The following CALN1 variants were observed in gnomAD, a reference collection of about 807,000 sequenced individuals.
The protein encoded by CALN1 is calneuron 1, also known as calcium-binding protein 8.
Under a neutral mutation model 30.6 loss-of-function variants are expected in CALN1, and 17 were observed. The ratio of observed to expected loss-of-function variants is 0.56; its 90% confidence interval spans 0.38 to 0.83. The LOEUF (loss-of-function observed/expected upper bound fraction) is 0.83. Ranked by LOEUF, CALN1 falls within the 40% of genes least tolerant of loss-of-function variation. The pLI, the probability that CALN1 is intolerant of heterozygous loss-of-function variation, is 0.00. For synonymous variants in CALN1, 156 were observed against 131.4 expected (o/e 1.19, Z -1.28); for missense variants, 291 against 354.9 (o/e 0.82, Z 1.45).
At chr7:72,041,693 T>C (rs1204372069) in intron 4 of CALN1, among the ~76,000 whole-genome samples, 1 of 152,130 alleles carries the variant, frequency 6.6e-6, no homozygotes, top group African/African-American at 2.4e-5. Context: ...GCAAATCTCA[T>C]CTTGAATTGT....
Position 71,869,755 on chromosome 7 carries a change from A to G in CALN1, c.502-59263T>C, listed in dbSNP as rs574876975. On this transcript the variant is annotated intron_variant, in intron 5 of 6. Coordinates refer to ENST00000395275, the MANE Select transcript of CALN1 (RefSeq NM_031468.4). Reference sequence around the variant, plus strand: ...CATGAAGTAGTACATTTTACACTCTACTCTCTGGGGTGATCGGGTTGTTTG... The same window carrying G: ...CATGAAGTAGTACATTTTACACTCTGCTCTCTGGGGTGATCGGGTTGTTTG... Among the ~76,000 whole-genome samples the G allele has an allele frequency of 9.5e-4, 145 of 152,150 alleles. 1 individual carries two copies. The highest frequency in any genetic ancestry group is 3.4e-3 in the Middle Eastern group (1 of 294).
At chr7:72,199,005 T>G (rs552789773) in intron 3 of CALN1, among the ~76,000 whole-genome samples, 1 of 152,334 alleles carries the variant, frequency 6.6e-6, no homozygotes, top group African/African-American at 2.4e-5. Context: ...CTGGGCGCAG[T>G]GGCTCATGCC....
chr7:72,112,960 G>C (rs1246231758), intron 3 of CALN1, among the ~76,000 whole-genome samples: 1 of 152,330 alleles, frequency 6.6e-6, no homozygotes, highest in East Asian at 1.9e-4. Context: ...ATCAAGAGAA[G>C]GGTAAACAGG....
intron 3 of CALN1, among the ~76,000 whole-genome samples, chr7:72,230,911 G>C (rs529325910): frequency 1.3e-5 from 2 of 152,250 alleles, no homozygotes; most frequent in African/African-American, 2.4e-5. Context: ...AAAAATATCA[G>C]ATGGAAAATT....
At chr7:72,493,865 G>T in the CALN1 span, among the ~76,000 whole-genome samples, 1 of 152,152 alleles carries the variant, frequency 6.6e-6, no homozygotes. Context: ...AATATTTAGT[G>T]TGCTTTGTGG....
At chr7:71,794,929 T>C (rs1786801234) in intron 6 of CALN1, among the ~76,000 whole-genome samples, 2 of 152,234 alleles carry the variant, frequency 1.3e-5, no homozygotes, top group Non-Finnish European at 2.9e-5. Context: ...CTGGCTCTGT[T>C]CCAGCCTTGG....
At chr7:71,959,746 C>G (rs1735791256) in intron 5 of CALN1, among the ~76,000 whole-genome samples, 1 of 152,154 alleles carries the variant, frequency 6.6e-6, no homozygotes, top group Non-Finnish European at 1.5e-5. Context: ...CTCCATGGTG[C>G]TCATAGGACT....
intron 2 of CALN1, among the ~76,000 whole-genome samples, chr7:72,340,331 C>T (rs1036732250): frequency 6.6e-6 from 1 of 151,812 alleles, no homozygotes; most frequent in Non-Finnish European, 1.5e-5. Flanking sequence ...CCCCCACCTT[C>T]CAAAGTATTG....
At chr7:71,811,931 G>A (rs1488252922) in intron 5 of CALN1, among the ~76,000 whole-genome samples, 3 of 151,692 alleles carry the variant, frequency 2.0e-5, no homozygotes, top group Admixed American at 6.6e-5. Context: ...CACCCGCCTC[G>A]GCCTCCCAAA....
chr7:72,320,351 A>C, intron 2 of CALN1, among the ~76,000 whole-genome samples: 1 of 152,140 alleles, frequency 6.6e-6, no homozygotes, highest in African/African-American at 2.4e-5. Flanking sequence ...GTCGAGCCTG[A>C]AGTGCGGGAG....
chr7:71,920,688 T>C (rs1011720841), intron 5 of CALN1, among the ~76,000 whole-genome samples: 1 of 152,180 alleles, frequency 6.6e-6, no homozygotes. Flanking sequence ...GGGCATAATA[T>C]GTACTTTCTC....
chr7:72,059,158 TAAC>T (rs1400288604), intron 4 of CALN1, among the ~76,000 whole-genome samples: 6 of 152,162 alleles, frequency 3.9e-5, no homozygotes, highest in African/African-American at 1.4e-4. Flanking sequence ...CAAGGAAAAT[TAAC>T]AAACCACTCT....
At chr7:72,112,345 T>TGTA (rs1216966465) in intron 3 of CALN1, among the ~76,000 whole-genome samples, 1 of 152,222 alleles carries the variant, frequency 6.6e-6, no homozygotes, top group Non-Finnish European at 1.5e-5. Context: ...TCTCAGTATG[T>TGTA]GTACGATGCA....
intron 5 of CALN1, among the ~76,000 whole-genome samples, chr7:71,823,881 T>TA (rs1439366674): frequency 1.3e-5 from 2 of 152,104 alleles, no homozygotes; most frequent in Non-Finnish European, 2.9e-5. Context: ...TGGTGGCAGG[T>TA]AAGAGAGAGA....
intron 4 of CALN1, among the ~76,000 whole-genome samples, chr7:72,084,559 C>G (rs1805359138): frequency 6.6e-6 from 1 of 151,626 alleles, no homozygotes; most frequent in Non-Finnish European, 1.5e-5. Context: ...TGGGGTTTCA[C>G]CATGTTGGCC....
chr7:72,199,080 G>A (rs1791236283), intron 3 of CALN1, among the ~76,000 whole-genome samples: 1 of 152,156 alleles, frequency 6.6e-6, no homozygotes, highest in Non-Finnish European at 1.5e-5. Context: ...TTCGAGATCA[G>A]CTTGGCCAAC....
At chr7:71,823,186 C>CT (rs10559746) in intron 5 of CALN1, among the ~76,000 whole-genome samples, 58 of 141,718 alleles carry the variant, frequency 4.1e-4, no homozygotes, top group Admixed American at 7.6e-4. Flanking sequence ...GTCTCTCTCT[C>CT]TTTTTTTTTT....
intron 6 of CALN1, among the ~76,000 whole-genome samples, chr7:71,803,574 A>C (rs1195738341): frequency 6.6e-6 from 1 of 152,108 alleles, no homozygotes; most frequent in Non-Finnish European, 1.5e-5. Context: ...TCCCGGGTTC[A>C]AGTGATTCTC....
At chr7:72,193,891 T>G (rs1275212106) in intron 3 of CALN1, among the ~76,000 whole-genome samples, 1 of 151,922 alleles carries the variant, frequency 6.6e-6, no homozygotes, top group Non-Finnish European at 1.5e-5. Context: ...TTCTCACTCG[T>G]AAGTGAAAGC....
Sources: gnomAD v4.1 joint callset for allele counts (sites outside exome capture counted in the v4.1 genomes callset) on GRCh38, gnomAD v4.1.1 for gene constraint, MANE v1.5 for transcripts, NCBI Gene and HGNC (gene_info 2026-07-23, HGNC 2026-07-21) for gene names.